Variants in GRIK1 observed in about 807,000 individuals in gnomAD.
GRIK1 encodes glutamate ionotropic receptor kainate type subunit 1, also known as glutamate receptor ionotropic, kainate 1.
GRIK1 carries 69 observed loss-of-function variants against 105.7 expected under a neutral mutation model. The observed-to-expected ratio is 0.65, with a 90% CI of 0.54 to 0.80. The LOEUF is 0.80. Ranked by LOEUF, GRIK1 falls within the 30% of genes least tolerant of loss-of-function variation. The pLI is 0.00. For missense variants in GRIK1, 1,109 were observed against 1,167.3 expected (o/e 0.95, Z 0.73); for synonymous variants, 438 against 431.3 (o/e 1.02, Z -0.19).
Position 29,842,430 on chromosome 21 carries a change from G to A in GRIK1, c.118+96953C>T, listed in dbSNP as rs141649261. On this transcript the variant is annotated intron_variant, in intron 1 of 17. Transcript: ENST00000327783. ...CGAAGAAAAGATCTCTGTACTAGAT[G>A]TGGGTCAGCACACTTCAAATTCTGA... is the stretch of plus-strand genomic sequence containing the variant. Among the ~76,000 whole-genome samples, 533 of 152,280 alleles carry A rather than the reference G, an allele frequency of 3.5e-3. 3 individuals are homozygous for A. Among genetic ancestry groups the A allele is most frequent in the African/African-American group, 0.012 (518 of 41,584 alleles).
intron 14 of GRIK1, among the ~76,000 whole-genome samples, chr21:29,564,315 T>G (rs1000809920): frequency 6.6e-6 from 1 of 151,944 alleles, no homozygotes; most frequent in Admixed American, 6.5e-5. Flanking sequence ...ACCCGGCTAA[T>G]TTTTTGTATT....
At chr21:29,747,001 G>A (rs113487409) in intron 1 of GRIK1, among the ~76,000 whole-genome samples, 6,556 of 152,246 alleles carry the variant, frequency 0.043, 205 homozygotes, top group Non-Finnish European at 0.066. Context: ...AATTTGCACT[G>A]CTGCATGGTG....
intron 1 of GRIK1, among the ~76,000 whole-genome samples, chr21:29,774,001 T>G (rs933953875): frequency 2.0e-5 from 3 of 152,224 alleles, no homozygotes; most frequent in Non-Finnish European, 4.4e-5. Context: ...CATATCTCTA[T>G]GCTGGATTTA....
chr21:29,783,385 T>A (rs2066176462), intron 1 of GRIK1, among the ~76,000 whole-genome samples: 1 of 152,152 alleles, frequency 6.6e-6, no homozygotes, highest in Non-Finnish European at 1.5e-5. Flanking sequence ...CTGTCATATA[T>A]TTTGCAGGTT....
chr21:29,721,025 A>G (rs138735707), intron 1 of GRIK1, among the ~76,000 whole-genome samples: 14 of 151,666 alleles, frequency 9.2e-5, no homozygotes, highest in South Asian at 2.1e-4. Context: ...GCTATCACCT[A>G]TTCTTCCGAG....
intron 1 of GRIK1, among the ~76,000 whole-genome samples, chr21:29,844,293 G>A (rs1280623145): frequency 6.6e-6 from 1 of 152,028 alleles, no homozygotes; most frequent in Non-Finnish European, 1.5e-5. Context: ...TTCAATCAGT[G>A]CTACCAAATA....
chr21:29,768,071 A>T lies in GRIK1; in HGVS notation c.119-74008T>A, dbSNP rs2065719580. Among the ~76,000 whole-genome samples the T allele has an allele frequency of 2.6e-5, 4 of 152,178 alleles. No homozygotes were observed. The South Asian group carries it at 8.3e-4, about 31-fold the overall frequency. On this transcript the variant is annotated intron_variant, in intron 1 of 17. Coordinates refer to ENST00000327783, the MANE Select transcript of GRIK1 (RefSeq NM_001330994.2). ...GGTGACGGTGTAGAAAGGAGCAAAA[A>T]GTGCTTTCCCTCATGCAAGGTGCTT... is the stretch of plus-strand genomic sequence containing the variant.
intron 11 of GRIK1, among the ~76,000 whole-genome samples, chr21:29,587,990 T>TTTTTTTTTTTTTTG (rs1491321446): frequency 7.6e-6 from 1 of 131,220 alleles, no homozygotes; most frequent in African/African-American, 3.2e-5. Context: ...TTTTTTTTTT[T>TTTTTTTTTTTTTTG]GTGAGGCGGA....
chr21:29,598,948 G>C lies in GRIK1; in HGVS notation c.1099-11C>G. The C allele has an allele frequency of 1.6e-6, 2 of 1,220,874 alleles. No homozygotes were observed. The highest frequency in any genetic ancestry group is 1.3e-5 in the South Asian group (1 of 76,782). The allele number at this position is 1,220,874 out of a possible 1,614,324, so 75.6% of individuals were successfully genotyped here. On this transcript the variant is annotated splice_polypyrimidine_tract_variant and intron_variant, in intron 7 of 17. Transcript: ENST00000327783. ...GCCATCCCACCGGGCCTGTGGACAA[G>C]AAGAAATGTGGCTGTTATTGTTAAA... is the stretch of plus-strand genomic sequence containing the variant.
chr21:29,712,083 T>TACATACAC (rs1555876681), intron 1 of GRIK1, among the ~76,000 whole-genome samples: 2 of 135,306 alleles, frequency 1.5e-5, no homozygotes, highest in Non-Finnish European at 3.2e-5. Context: ...TATACATACA[T>TACATACAC]ACACACACAC....
At chr21:29,737,507 C>A (rs556695582) in intron 1 of GRIK1, among the ~76,000 whole-genome samples, 25 of 152,294 alleles carry the variant, frequency 1.6e-4, no homozygotes, top group African/African-American at 6.0e-4. Context: ...CAGAAGGAGA[C>A]GTGAAAGAGA....
At chr21:29,626,823 C>T (rs1335408618) in intron 7 of GRIK1, among the ~76,000 whole-genome samples, 1 of 152,154 alleles carries the variant, frequency 6.6e-6, no homozygotes, top group East Asian at 1.9e-4. Flanking sequence ...CAATATGAAC[C>T]TCTGGCAAGG....
chr21:29,648,111 A>G (rs2062654859), intron 6 of GRIK1, among the ~76,000 whole-genome samples: 1 of 152,212 alleles, frequency 6.6e-6, no homozygotes, highest in Admixed American at 6.5e-5. Flanking sequence ...TAGAAATATT[A>G]GAGAGAAAAA....
At chr21:29,874,137 C>T (rs2069113462) in intron 1 of GRIK1, among the ~76,000 whole-genome samples, 1 of 152,178 alleles carries the variant, frequency 6.6e-6, no homozygotes, top group Non-Finnish European at 1.5e-5. Context: ...AGGCCCAGTT[C>T]CTAATAGGCC....
chr21:29,846,461 GAGAGAAAGAAAGAAAGAA>G (rs2068121567), intron 1 of GRIK1, among the ~76,000 whole-genome samples: 32 of 129,140 alleles, frequency 2.5e-4, no homozygotes, highest in African/African-American at 5.3e-4. Flanking sequence ...AGGAAAGAGA[GAGAGAAAGAAAGAAAGAA>G]AGAAAGAAAG....
At position 29,587,576 on chromosome 21, in the gene GRIK1, G is replaced by T; in HGVS notation, c.1583C>A (p.Ala528Glu). The T allele has an allele frequency of 6.2e-7, 1 of 1,608,666 alleles. No individual in the cohort carries two copies. The highest frequency in any genetic ancestry group is 8.5e-7 in the Non-Finnish European group (1 of 1,175,380). ...KELIDHRADL[A>E]VAPLTITYVR... ...GTAGGTGATGGTAAGAGGAGCCACT[G>T]CCAGGTCAGCCCTCTGCAAAAGCAA... The change falls in exon 12 of 18, where the codon GCA becomes GAA. Residue 528 changes from alanine to glutamate, a missense_variant. Ala to Glu is a moderately radical substitution (Grantham distance 107, BLOSUM62 -1). Around this residue, in one of 5 missense-constraint regions of GRIK1, gnomAD observed 54 missense variants for 88.1 expected, o/e 0.61. Coordinates refer to ENST00000327783, the MANE Select transcript of GRIK1 (RefSeq NM_001330994.2).
rs150251020 is a variant in GRIK1 at position 29,573,698 on chromosome 21, A to C, written c.2130+3266T>G. Among the ~76,000 whole-genome samples, 35 of 152,122 alleles carry C rather than the reference A, an allele frequency of 2.3e-4. No homozygotes were observed. The East Asian group carries it at 6.6e-3, about 29-fold the overall frequency. On this transcript the variant is annotated intron_variant, in intron 14 of 17. Transcript: ENST00000327783. ...AACCCCAACTCTATTAAAATAAAAA[A>C]ATTAGCCAGGCATGGTAGCATGCAC...
intron 1 of GRIK1, among the ~76,000 whole-genome samples, chr21:29,717,033 C>G (rs1190566510): frequency 6.6e-6 from 1 of 152,250 alleles, no homozygotes; most frequent in Non-Finnish European, 1.5e-5. Context: ...CCAAGTGCAG[C>G]TCACGTCATG....
intron 1 of GRIK1, among the ~76,000 whole-genome samples, chr21:29,905,391 C>G (rs1394099614): frequency 6.6e-6 from 1 of 151,126 alleles, no homozygotes; most frequent in Non-Finnish European, 1.5e-5. Flanking sequence ...AAGCAAAGGG[C>G]TTTTCAAAAC....
Sources: gnomAD v4.1 joint callset for allele counts (sites outside exome capture counted in the v4.1 genomes callset) on GRCh38, gnomAD v4.1.1 for gene constraint, gnomAD v4.1.1 regional missense constraint, MANE v1.5 for transcripts, NCBI Gene and HGNC (gene_info 2026-07-23, HGNC 2026-07-21) for gene names.